ZNRF3: variants seen among roughly 807,000 people sequenced by gnomAD.
ZNRF3 encodes zinc and ring finger 3.
In ZNRF3, 23 loss-of-function variants were observed where a neutral mutation model predicts 72.5. The ratio of observed to expected loss-of-function variants is 0.32; its 90% CI spans 0.23 to 0.45. ZNRF3 has a LOEUF of 0.45. Ranked by LOEUF, ZNRF3 falls within the 20% of genes least tolerant of loss-of-function variation. The pLI is 1.00. For synonymous variants in ZNRF3, 610 were observed against 545.3 expected (o/e 1.12, Z -1.65); for missense variants, 1,169 against 1,272.1 (o/e 0.92, Z 1.23).
chr22:29,024,444 G>A (rs1056163958), intron 2 of ZNRF3, among the ~76,000 whole-genome samples: 4 of 152,076 alleles, frequency 2.6e-5, no homozygotes, highest in South Asian at 2.1e-4. Context: ...CCCAGGCAGC[G>A]TGCGTTGCTA....
rs777084117 is a variant in ZNRF3, at chr22:28,987,068, T to C, written c.301-8T>C. 4 of 1,604,430 alleles carry C rather than the reference T, an allele frequency of 2.5e-6. No homozygotes were observed. The African/African-American group carries it at 5.4e-5, about 22-fold the overall frequency. On this transcript the variant is annotated splice_polypyrimidine_tract_variant and splice_region_variant and intron_variant, in intron 1 of 8. Coordinates refer to ENST00000544604, the MANE Select transcript of ZNRF3 (RefSeq NM_001206998.2). ...CTGCTGAAGTTTTCTTTCCATTTTA[T>C]TTCCTAGATGCACCCACTGGGCCTA...
intron 1 of ZNRF3, among the ~76,000 whole-genome samples, chr22:28,958,130 G>A (rs1182624796): frequency 1.3e-5 from 2 of 152,230 alleles, no homozygotes; most frequent in Non-Finnish European, 2.9e-5. Context: ...AGAGTTTGCA[G>A]TGAGCTGAGA....
intron 8 of ZNRF3, among the ~76,000 whole-genome samples, chr22:29,051,865 T>C (rs1483647747): frequency 7.0e-6 from 1 of 142,140 alleles, no homozygotes; most frequent in Non-Finnish European, 1.5e-5. Context: ...CGCTCCAGCC[T>C]GAGCGACTCC....
intron 8 of ZNRF3, 86 bp downstream of exon 8, chr22:29,051,034 T>C (rs1450314585): frequency 1.4e-6 from 2 of 1,407,062 alleles, no homozygotes; most frequent in African/African-American, 2.9e-5. Flanking sequence ...TCTGAATGAC[T>C]TCTTTTGTGT....
chr22:29,014,385 G>A (rs2036397718), intron 2 of ZNRF3, among the ~76,000 whole-genome samples: 1 of 152,196 alleles, frequency 6.6e-6, no homozygotes, highest in African/African-American at 2.4e-5. Flanking sequence ...GCCTGCAGGA[G>A]TTGTAGTGCA....
At chr22:28,944,009 C>T (rs182834248) in intron 1 of ZNRF3, among the ~76,000 whole-genome samples, 19 of 147,736 alleles carry the variant, frequency 1.3e-4, no homozygotes, top group Non-Finnish European at 2.2e-4. Flanking sequence ...AAAAGAACCC[C>T]GGATTAAGGC....
chr22:29,002,213 G>A (rs1481707383), intron 2 of ZNRF3, among the ~76,000 whole-genome samples: 1 of 152,216 alleles, frequency 6.6e-6, no homozygotes, highest in Non-Finnish European at 1.5e-5. Context: ...AGATGGGAGA[G>A]CCACTGCCAA....
At chr22:28,977,953 C>T (rs1345840803) in intron 1 of ZNRF3, among the ~76,000 whole-genome samples, 1 of 152,190 alleles carries the variant, frequency 6.6e-6, no homozygotes, top group Non-Finnish European at 1.5e-5. Flanking sequence ...AGTTCTTTTT[C>T]TCCAGATATT....
chr22:28,951,548 A>T (rs2035161000), intron 1 of ZNRF3, among the ~76,000 whole-genome samples: 1 of 152,188 alleles, frequency 6.6e-6, no homozygotes, highest in Non-Finnish European at 1.5e-5. Flanking sequence ...TAAGGAATCA[A>T]CCCTGTCGAC....
intron 1 of ZNRF3, among the ~76,000 whole-genome samples, chr22:28,907,743 G>T (rs2034238565): frequency 6.6e-6 from 1 of 152,160 alleles, no homozygotes; most frequent in African/African-American, 2.4e-5. Context: ...ATGGTTATGT[G>T]GTAGAACTTT....
At chr22:28,942,610 G>A (rs951872607) in intron 1 of ZNRF3, among the ~76,000 whole-genome samples, 30 of 152,238 alleles carry the variant, frequency 2.0e-4, no homozygotes, top group African/African-American at 6.3e-4. Flanking sequence ...ATTCTCTAGC[G>A]GTCTCTTACC....
intron 1 of ZNRF3, among the ~76,000 whole-genome samples, chr22:28,945,346 T>C (rs2035034571): frequency 2.6e-5 from 4 of 152,080 alleles, no homozygotes; most frequent in African/African-American, 9.6e-5. Flanking sequence ...CAGGGGAAAA[T>C]GCTCATAAGT....
rs2037111327 is a variant in ZNRF3 at position 29,048,264 on chromosome 22, G to A, written c.913-125G>A. On this transcript the variant is annotated intron_variant, in intron 6 of 8. Transcript: ENST00000544604. The surrounding 1 kb of genome is among the most constrained non-coding windows in gnomAD (Gnocchi z 4.9). ...CTAGGGAATTGAGCCCTAATTGGAG[G>A]TGGGGAGGAGAGTAGGGAAGGGCAC... 3 of 663,222 alleles carry A rather than the reference G, an allele frequency of 4.5e-6. No homozygotes were observed. In the South Asian group the frequency reaches 6.2e-5, roughly 14 times the overall value. The allele number at this position is 663,222 out of a possible 1,614,324, so 41.1% of individuals were successfully genotyped here.
At chr22:28,937,169 CTT>C (rs1569252308) in intron 1 of ZNRF3, among the ~76,000 whole-genome samples, 20 of 128,594 alleles carry the variant, frequency 1.6e-4, no homozygotes, top group African/African-American at 6.8e-4. Flanking sequence ...CTACTTCTCT[CTT>C]ATAATATATA....
intron 1 of ZNRF3, among the ~76,000 whole-genome samples, chr22:28,983,597 C>T (rs1184064022): frequency 6.6e-6 from 1 of 152,238 alleles, no homozygotes; most frequent in Non-Finnish European, 1.5e-5. Context: ...CCTCGACTGT[C>T]CCTCCATTTC....
intron 2 of ZNRF3, among the ~76,000 whole-genome samples, chr22:29,024,443 C>T (rs1371557384): frequency 1.3e-5 from 2 of 152,068 alleles, no homozygotes; most frequent in Non-Finnish European, 2.9e-5. Context: ...TCCCAGGCAG[C>T]GTGCGTTGCT....
At chr22:29,021,320 G>A (rs964822459) in intron 2 of ZNRF3, among the ~76,000 whole-genome samples, 6 of 152,044 alleles carry the variant, frequency 3.9e-5, no homozygotes, top group African/African-American at 7.2e-5. Flanking sequence ...TATGTTGCTC[G>A]ATCTGCATAA....
intron 2 of ZNRF3, among the ~76,000 whole-genome samples, chr22:29,007,587 C>T (rs28655553): frequency 1.1e-4 from 16 of 151,982 alleles, no homozygotes; most frequent in African/African-American, 3.6e-4. Flanking sequence ...GAGCTGTGAT[C>T]GCACCATTGC....
intron 1 of ZNRF3, among the ~76,000 whole-genome samples, chr22:28,962,906 T>C (rs1481191966): frequency 6.6e-6 from 1 of 152,174 alleles, no homozygotes; most frequent in Non-Finnish European, 1.5e-5. Context: ...GGAAGCCGTT[T>C]TATGCACAGT....
Sources: gnomAD v4.1 joint callset for allele counts (sites outside exome capture counted in the v4.1 genomes callset) on GRCh38, gnomAD v4.1.1 for gene constraint, Gnocchi (gnomAD v3.1) non-coding constraint, MANE v1.5 for transcripts, NCBI Gene and HGNC (gene_info 2026-07-23, HGNC 2026-07-21) for gene names.